The following IKBIP variants were observed in gnomAD, a reference collection of about 807,000 sequenced individuals.
The protein encoded by IKBIP is inhibitor of nuclear factor kappa-B kinase-interacting protein.
A neutral mutation model predicts 31.0 loss-of-function variants in IKBIP; 28 were observed. The observed-to-expected ratio is 0.90, with a 90% confidence interval of 0.67 to 1.24. IKBIP has a LOEUF of 1.24. IKBIP is among the 50% of genes most tolerant of loss of function. The pLI is 0.00. For missense variants in IKBIP, 453 were observed against 441.9 expected (o/e 1.03, Z -0.23); for synonymous variants, 164 against 160.3 (o/e 1.02, Z -0.17).
At position 98,624,794 on chromosome 12, in the gene IKBIP, G is replaced by A. The variant is rs192066406; in HGVS notation, c.*1136C>T. 9.3e-4 allele frequency: 807 copies of A among 865,888 alleles called. 4 individuals carry two copies. The Middle Eastern group carries it at 0.016, about 17-fold the overall frequency. The allele number at this position is 865,888 out of a possible 1,614,324, so 53.6% of individuals were successfully genotyped here. A position where few individuals can be genotyped will look rare whatever the true frequency, so the allele number is the denominator to read the frequency against. ...ACTTTTCCCTCAAAACAGGCCACAG[G>A]CTTATTTTTATTTATTTATTTATTT... On this transcript the variant is annotated 3_prime_UTR_variant, in exon 3 of 3. Transcript: ENST00000299157.
At chr12:98,617,397 GTGTC>G (rs1253517097) in intron 2 of IKBIP, among the ~76,000 whole-genome samples, 1 of 152,228 alleles carries the variant, frequency 6.6e-6, no homozygotes, top group African/African-American at 2.4e-5. Context: ...AGCCACCCAA[GTGTC>G]TGGCAACATC....
chr12:98,639,630 T>C (rs1219515823), intron 1 of IKBIP, among the ~76,000 whole-genome samples: 3 of 152,218 alleles, frequency 2.0e-5, no homozygotes, highest in Non-Finnish European at 4.4e-5. Context: ...CTACAGTGCA[T>C]GGTGGTAATT....
downstream of IKBIP, among the ~76,000 whole-genome samples, chr12:98,620,910 T>C (rs1234679126): frequency 6.6e-6 from 1 of 151,664 alleles, no homozygotes; most frequent in Non-Finnish European, 1.5e-5. Flanking sequence ...CCAGAAGGCA[T>C]CTTAGGGATT....
chr12:98,626,322 G>C lies in IKBIP; in HGVS notation c.742C>G (p.Leu248Val), dbSNP rs746051699. 1.9e-6 allele frequency: 3 copies of C among 1,614,154 alleles called. No individual in the cohort carries two copies. The South Asian group carries it at 3.3e-5, about 18-fold the overall frequency. ...GTCAGATCTTCATCTCTGGCAAAGAGGGCATGCTGTTCCTCTTCTAACTTT... is the reference window on the plus strand; with the variant it reads ...GTCAGATCTTCATCTCTGGCAAAGACGGCATGCTGTTCCTCTTCTAACTTT... ...IEKLEEEQHA[L>V]FARDEDLTNK... Residue 248 changes from leucine to valine, a missense_variant, in exon 3 of 3, where the codon CTC becomes GTC. Leu to Val is a conservative substitution (Grantham distance 32). Coordinates refer to ENST00000299157, the MANE Select transcript of IKBIP (RefSeq NM_153687.4).
chr12:98,626,852 A>G, intron 2 of IKBIP, 86 bp from the exon 3 acceptor site: 2 of 1,003,914 alleles, frequency 2.0e-6, no homozygotes. Flanking sequence ...GGAGCATAAC[A>G]CATGCCACGT....
chr12:98,638,014 TGA>T (rs1365022175), intron 1 of IKBIP, among the ~76,000 whole-genome samples: 1 of 152,184 alleles, frequency 6.6e-6, no homozygotes, highest in African/African-American at 2.4e-5. Context: ...CCCATTTAGA[TGA>T]GAGTGAAAAA....
At position 98,626,002 on chromosome 12, in the gene IKBIP, G is replaced by T; in HGVS notation, c.1062C>A (p.Tyr354Ter). ...AAGTTCCCTTTTCTCCTGTACTTGAGTATGCTATAAAATCATGAACTTTTT... is the reference window on the plus strand; with the variant it reads ...AAGTTCCCTTTTCTCCTGTACTTGATTATGCTATAAAATCATGAACTTTTT... ...LKEKVHDFIA[Y>*]SSTGEKGTLK... is the part of the protein sequence containing the mutation. Residue 354 changes from tyrosine to a stop codon, truncating the protein, a stop_gained, in exon 3 of 3, where the codon TAC becomes TAA. Transcript: ENST00000299157. LOFTEE classifies it high-confidence loss of function. 6.5e-7 allele frequency: 1 copy of T among 1,529,894 alleles called. No individual in the cohort carries two copies. Among genetic ancestry groups the T allele is most frequent in the Non-Finnish European group, 8.8e-7 (1 of 1,132,522 alleles). 94.8% of individuals were successfully genotyped at this position (1,529,894 alleles called of 1,614,324 possible).
chr12:98,626,766 G>A lies in IKBIP; in HGVS notation c.298C>T (p.Leu100Phe). The A allele has an allele frequency of 6.3e-7, 1 of 1,588,758 alleles. No individual in the cohort carries two copies. The highest frequency in any genetic ancestry group is 8.6e-7 in the Non-Finnish European group (1 of 1,167,614). Residue 100 changes from leucine to phenylalanine, a missense_variant and splice_region_variant, in exon 3 of 3, where the codon CTT (leucine) becomes TTT (phenylalanine). Leu to Phe is a conservative substitution (Grantham distance 22). Transcript: ENST00000299157. ...QSKISLISEK[L>F]ESTESILQEA... ...TGCAGGATGCTTTCAGTAGACTCAA[G>A]CTGCATTTATAACACAAAACAATTC...
chr12:98,628,984 G>A (rs968148972), intron 2 of IKBIP, among the ~76,000 whole-genome samples: 2 of 152,204 alleles, frequency 1.3e-5, no homozygotes, highest in Admixed American at 6.6e-5. Flanking sequence ...AGGGCAATGC[G>A]AAAAGGCCTG....
intron 1 of IKBIP, among the ~76,000 whole-genome samples, chr12:98,636,524 C>A (rs772201643): frequency 6.6e-5 from 10 of 152,212 alleles, no homozygotes; most frequent in Non-Finnish European, 1.5e-4. Context: ...ATTAGGCTAA[C>A]CGTAGCTACA....
In IKBIP at chr12:98,631,981, G is replaced by A. The variant is rs368788012; in HGVS notation, c.297+2315C>T. On this transcript the variant is annotated intron_variant, in intron 2 of 2. Coordinates refer to ENST00000299157, the MANE Select transcript of IKBIP (RefSeq NM_153687.4). ...AGTGATTCTCCTGCCTCAGCCTCCC[G>A]AGTAGCTGGGATTACAGGCGCCCGC... Among the ~76,000 whole-genome samples the A allele has an allele frequency of 9.9e-5, 15 of 150,828 alleles. 2 individuals carry two copies. Among genetic ancestry groups the A allele is most frequent in the East Asian group, 4.1e-4 (2 of 4,928 alleles).
chr12:98,632,482 T>C (rs1308907505), intron 2 of IKBIP, among the ~76,000 whole-genome samples: 1 of 10,484 alleles, frequency 9.5e-5, no homozygotes, highest in South Asian at 7.4e-3. Flanking sequence ...AGACTCTATC[T>C]GAAAAAAAAA....
chr12:98,614,837 A>G (rs2097605386), intron 2 of IKBIP, among the ~76,000 whole-genome samples: 1 of 152,256 alleles, frequency 6.6e-6, no homozygotes, highest in Non-Finnish European at 1.5e-5. Context: ...TTACTAATGA[A>G]TAAGAAGGAA....
At chr12:98,614,956 A>T (rs2097605467) in intron 2 of IKBIP, among the ~76,000 whole-genome samples, 1 of 152,180 alleles carries the variant, frequency 6.6e-6, no homozygotes, top group African/African-American at 2.4e-5. Context: ...TGAGACAGTG[A>T]TGTGGTTTTT....
intron 2 of IKBIP, among the ~76,000 whole-genome samples, chr12:98,633,015 C>T (rs1163567923): frequency 6.6e-6 from 1 of 152,108 alleles, no homozygotes; most frequent in African/African-American, 2.4e-5. Flanking sequence ...CATGGAATCC[C>T]CTGGCATTTG....
At position 98,625,051 on chromosome 12, in the gene IKBIP, A is replaced by G. The variant is rs1376564574; in HGVS notation, c.*879T>C. 5.5e-6 allele frequency: 4 copies of G among 724,208 alleles called. No homozygotes were observed. Among genetic ancestry groups the G allele is most frequent in the African/African-American group, 3.8e-5 (2 of 51,978 alleles). 44.9% of individuals were successfully genotyped at this position (724,208 alleles called of 1,614,324 possible). A position where few individuals can be genotyped will look rare whatever the true frequency, so the allele number is the denominator to read the frequency against. On this transcript the variant is annotated 3_prime_UTR_variant, in exon 3 of 3. Transcript: ENST00000299157. ...GATCTCCTGACTTCGTGATCTGCCC[A>G]CCTCGGCCTCCCAAAGTGCTAGGAT...
chr12:98,626,528 T>C lies in IKBIP; in HGVS notation c.536A>G (p.His179Arg), dbSNP rs138382153. ...NTDIFKSEAKHIHSQVTVQIN... is the reference protein window; with the variant it reads ...NTDIFKSEAKRIHSQVTVQIN... The stretch of plus-strand genomic sequence containing the variant: ...TTGGACAGTTACTTGAGAATGTATA[T>C]GTTTTGCTTCTGATTTGAAAATGTC... The change falls in exon 3 of 3, where the codon CAT (histidine) becomes CGT (arginine). Residue 179 changes from histidine (H) to arginine (R), a missense_variant. Transcript: ENST00000299157. The C allele has an allele frequency of 3.3e-5, 53 of 1,613,308 alleles. No homozygotes were observed. In the African/African-American group the frequency reaches 5.1e-4, roughly 15 times the overall value.
intron 2 of IKBIP, among the ~76,000 whole-genome samples, chr12:98,615,841 T>G (rs1470227725): frequency 1.3e-5 from 2 of 152,178 alleles, no homozygotes; most frequent in African/African-American, 4.8e-5. Context: ...TCCTTCTTTT[T>G]AAAGGGAGAA....
chr12:98,632,524 T>A (rs1212944986), intron 2 of IKBIP, among the ~76,000 whole-genome samples: 27 of 63,416 alleles, frequency 4.3e-4, no homozygotes, highest in South Asian at 1.2e-3. Context: ...TATATATATA[T>A]ATATATATAT....
Sources: gnomAD v4.1 joint callset for allele counts (sites outside exome capture counted in the v4.1 genomes callset) on GRCh38, gnomAD v4.1.1 for gene constraint, MANE v1.5 for transcripts, NCBI Gene and HGNC (gene_info 2026-07-23, HGNC 2026-07-21) for gene names.